CUX2: variants seen among roughly 807,000 people sequenced by gnomAD.
CUX2 encodes the protein cut like homeobox 2.
A neutral mutation model predicts 144.8 loss-of-function variants in CUX2; 40 were observed. The observed-to-expected ratio is 0.28, with a 90% CI of 0.21 to 0.36. CUX2 has a LOEUF of 0.36. Ranked by LOEUF, CUX2 falls within the 10% of genes least tolerant of loss-of-function variation. CUX2 has a pLI of 1.00. For missense variants in CUX2, 1,615 were observed against 1,994.0 expected, an observed-to-expected ratio of 0.81 and a Z score of 3.62; for synonymous variants, 827 against 875.6, an observed-to-expected ratio of 0.94 and a Z score of 0.98.
At chr12:111,179,066 C>T (rs1446900511) in intron 1 of CUX2, among the ~76,000 whole-genome samples, 1 of 152,168 alleles carries the variant, frequency 6.6e-6, no homozygotes, top group Non-Finnish European at 1.5e-5. Context: ...GTTCCCTGAG[C>T]TACCGCACAG....
In CUX2 at chr12:111,348,105, C is replaced by T; in HGVS notation, c.4241C>T (p.Pro1414Leu). The change falls in exon 22 of 22, where the codon CCC (proline) becomes CTC (leucine). Residue 1414 changes from proline to leucine, a missense_variant. Coordinates refer to ENST00000261726, the MANE Select transcript of CUX2 (RefSeq NM_015267.4). Reference sequence around the variant, plus strand: ...CTCATGATGTCTGTGTCACCTGTCCCCTCCTCCTCAGCTCCCATCTCCCCA... The same window carrying T: ...CTCATGATGTCTGTGTCACCTGTCCTCTCCTCCTCAGCTCCCATCTCCCCA... ...PGLMMSVSPV[P>L]SSSAPISPSP... 2 of 1,614,156 alleles carry T rather than the reference C, an allele frequency of 1.2e-6. No individual in the cohort carries two copies. Among genetic ancestry groups the T allele is most frequent in the Non-Finnish European group, 1.7e-6 (2 of 1,180,026 alleles).
intron 1 of CUX2, among the ~76,000 whole-genome samples, chr12:111,121,338 TTTTC>T (rs894957191): frequency 1.3e-5 from 2 of 151,230 alleles, no homozygotes; most frequent in Admixed American, 6.6e-5. Flanking sequence ...TAAATGTGTT[TTTTC>T]TTTCTTTTTG....
chr12:111,249,622 A>G (rs777337303), intron 3 of CUX2, among the ~76,000 whole-genome samples: 2 of 151,232 alleles, frequency 1.3e-5, no homozygotes, highest in African/African-American at 2.4e-5. Context: ...ATGCCCAGCT[A>G]ATTTTTGTAT....
chr12:111,095,606 TTAAG>T (rs765935578), intron 1 of CUX2, among the ~76,000 whole-genome samples: 5 of 152,164 alleles, frequency 3.3e-5, no homozygotes, highest in Non-Finnish European at 5.9e-5. Context: ...CTTCACCATT[TTAAG>T]TCTCAGTTTC....
At position 111,164,443 on chromosome 12, in the gene CUX2, G is replaced by T. The variant is rs141369859; in HGVS notation, c.64-49757G>T. ...ATACAAAAATTAGCTGGGCGTGGTG[G>T]CACGTGCTTGTAATCCCAGCTACTT... On this transcript the variant is annotated intron_variant, in intron 1 of 21. Coordinates refer to ENST00000261726, the MANE Select transcript of CUX2 (RefSeq NM_015267.4). 4.3e-4 allele frequency among the ~76,000 whole-genome samples: 65 copies of T among 152,236 alleles called. No individual in the cohort carries two copies. The East Asian group carries it at 0.012, about 29-fold the overall frequency.
intron 1 of CUX2, among the ~76,000 whole-genome samples, chr12:111,139,495 G>A (rs1566248056): frequency 6.6e-6 from 1 of 152,246 alleles, no homozygotes; most frequent in Admixed American, 6.5e-5. Flanking sequence ...CATGGAGATC[G>A]TTATTTTTCC....
At chr12:111,046,725 C>T (rs993626438) in intron 1 of CUX2, among the ~76,000 whole-genome samples, 19 of 152,132 alleles carry the variant, frequency 1.2e-4, no homozygotes, top group African/African-American at 4.1e-4. Context: ...GGCGCAATCT[C>T]GGCTTACTGC....
At chr12:111,270,806 C>T (rs1884609025) in intron 4 of CUX2, among the ~76,000 whole-genome samples, 1 of 152,102 alleles carries the variant, frequency 6.6e-6, no homozygotes, top group Admixed American at 6.5e-5. Context: ...CATTTCTCAC[C>T]TTGCTCCTTC....
chr12:111,227,580 T>C (rs965194828), intron 3 of CUX2, among the ~76,000 whole-genome samples: 2 of 152,192 alleles, frequency 1.3e-5, no homozygotes, highest in African/African-American at 4.8e-5. Context: ...CCCATTGGGC[T>C]GCAGTCCTCA....
chr12:111,189,211 G>T (rs117996564), intron 1 of CUX2, among the ~76,000 whole-genome samples: 69 of 152,298 alleles, frequency 4.5e-4, no homozygotes, highest in Non-Finnish European at 7.6e-4. Context: ...GGTTGAGGCT[G>T]CAGTGAGCCA....
rs1284797395 is a variant in CUX2 at position 111,277,135 on chromosome 12, T to C, written c.301+13296T>C. ...CATCTGCCCCAGGATGAATGGTTGC[T>C]GGAGTTTGAGGGATGAAGCCCAGAA... On this transcript the variant is annotated intron_variant, in intron 4 of 21. Coordinates refer to ENST00000261726, the MANE Select transcript of CUX2 (RefSeq NM_015267.4). The surrounding 1 kb of genome is among the most constrained non-coding windows in gnomAD (Gnocchi z 5.0). Among the ~76,000 whole-genome samples the C allele has an allele frequency of 6.6e-5, 10 of 152,190 alleles. No individual in the cohort carries two copies. The highest frequency in any genetic ancestry group is 1.3e-4 in the Admixed American group (2 of 15,282).
Position 111,197,541 on chromosome 12 carries a change from C to T in CUX2, c.64-16659C>T, listed in dbSNP as rs77046851. ...ATGCTACTGGCTTGTTGGCAAGCAG[C>T]GTGTAGGCATCTTGAGGGTTCCTGG... On this transcript the variant is annotated intron_variant, in intron 1 of 21. Coordinates refer to ENST00000261726, the MANE Select transcript of CUX2 (RefSeq NM_015267.4). Among the ~76,000 whole-genome samples the T allele has an allele frequency of 2.5e-3, 381 of 152,314 alleles. 2 individuals carry two copies. Among genetic ancestry groups the T allele is most frequent in the African/African-American group, 8.7e-3 (363 of 41,554 alleles).
intron 4 of CUX2, among the ~76,000 whole-genome samples, chr12:111,282,170 A>C (rs1363315336): frequency 6.6e-6 from 1 of 151,394 alleles, no homozygotes; most frequent in African/African-American, 2.4e-5. Flanking sequence ...AAATACAAAA[A>C]AATTAGCTGG....
chr12:111,184,573 CAAA>C (rs71445536), intron 1 of CUX2, among the ~76,000 whole-genome samples: 564 of 46,908 alleles, frequency 0.012, 6 homozygotes, highest in African/African-American at 0.033. Context: ...TTCTCTCTAC[CAAA>C]AAAAAAAAAA....
At chr12:111,274,969 A>C (rs1046616483) in intron 4 of CUX2, among the ~76,000 whole-genome samples, 12 of 151,960 alleles carry the variant, frequency 7.9e-5, no homozygotes, top group Non-Finnish European at 1.8e-4. Flanking sequence ...AAAAACAAAA[A>C]AACAAAAAAA....
chr12:111,298,443 C>T (rs1014358890), intron 8 of CUX2, 98 bp from the exon 9 acceptor site: 26 of 1,301,106 alleles, frequency 2.0e-5, no homozygotes, highest in Non-Finnish European at 2.7e-5. Flanking sequence ...GGCCTTCAGC[C>T]CTCCCCTGGG....
chr12:111,231,982 T>C (rs1882486229), intron 3 of CUX2, among the ~76,000 whole-genome samples: 2 of 152,140 alleles, frequency 1.3e-5, no homozygotes, highest in South Asian at 4.2e-4. Flanking sequence ...GGTGCGCCCC[T>C]GTAGTCTCAA....
rs141422932 is a variant in CUX2 at position 111,107,776 on chromosome 12, CT to C, written c.63+73547del. On this transcript the variant is annotated intron_variant, in intron 1 of 21. Coordinates refer to ENST00000261726, the MANE Select transcript of CUX2 (RefSeq NM_015267.4). ...AAGCTTTGGGTGTAATTTATTTAAA[CT>C]TTTTTTTTTTAACTTTTCATTTTGA... Among the ~76,000 whole-genome samples the C allele has an allele frequency of 4.1e-3, 605 of 148,324 alleles. 4 individuals carry two copies. Among genetic ancestry groups the C allele is most frequent in the African/African-American group, 0.013 (518 of 40,612 alleles).
At chr12:111,073,111 A>C (rs1264601366) in intron 1 of CUX2, among the ~76,000 whole-genome samples, 1 of 152,186 alleles carries the variant, frequency 6.6e-6, no homozygotes, top group Non-Finnish European at 1.5e-5. Context: ...ATACTCATGG[A>C]ATTTCCACTC....
Sources: allele counts gnomAD v4.1 joint callset (sites outside exome capture counted in the v4.1 genomes callset), GRCh38; gene constraint gnomAD v4.1.1; non-coding constraint Gnocchi (gnomAD v3.1); transcripts MANE v1.5; gene names NCBI Gene and HGNC (gene_info 2026-07-23, HGNC 2026-07-21).